SULT1C2: variants seen among roughly 807,000 people sequenced by gnomAD.
SULT1C2 encodes sulfotransferase 1C2.
In SULT1C2, 27 loss-of-function variants were observed where a neutral mutation model predicts 36.0. The ratio of observed to expected loss-of-function variants is 0.75; its 90% CI spans 0.55 to 1.03. SULT1C2 has a LOEUF of 1.03. Ranked by LOEUF, SULT1C2 falls within the 50% of genes least tolerant of loss-of-function variation. The pLI is 0.00. For missense variants in SULT1C2, 395 were observed against 359.2 expected (o/e 1.10, Z -0.80); for synonymous variants, 121 against 116.0 (o/e 1.04, Z -0.27).
chr2:108,309,327 T>G lies in SULT1C2; in HGVS notation c.*863T>G, dbSNP rs2104427488. On this transcript the variant is annotated 3_prime_UTR_variant, in exon 8 of 8. Coordinates refer to ENST00000251481, the MANE Select transcript of SULT1C2 (RefSeq NM_001056.4). ...TATTTACTCTTCAATTTCTTATTTA[T>G]ACCTCTCACTCAATTGTTAATTCTT... is the stretch of plus-strand genomic sequence containing the variant. 1 of 134,442 alleles carries G rather than the reference T, an allele frequency of 7.4e-6. No homozygotes were observed. The highest frequency in any genetic ancestry group is 1.9e-4 in the East Asian group (1 of 5,158). 8.3% of individuals were successfully genotyped at this position (134,442 alleles called of 1,614,324 possible).
rs1353682420 is a variant in SULT1C2 at position 108,300,503 on chromosome 2, C to T, written c.278-335C>T. The T allele has an allele frequency of 1.1e-5, 4 of 377,340 alleles. No individual in the cohort carries two copies. The Admixed American group carries it at 1.3e-4, about 12-fold the overall frequency. 23.4% of individuals were successfully genotyped at this position (377,340 alleles called of 1,614,324 possible). On this transcript the variant is annotated intron_variant, in intron 3 of 7. Transcript: ENST00000251481. ...CAGCCTGCTGCAGGCACATGGGGGT[C>T]ATCTCTGGCTGGCAGGAAGGTGAGG...
At position 108,305,498 on chromosome 2, in the gene SULT1C2, G is replaced by A. The variant is rs1326934778; in HGVS notation, c.681G>A (p.Glu227=). The A allele has an allele frequency of 6.2e-7, 1 of 1,614,140 alleles. No individual in the cohort carries two copies. The highest frequency in any genetic ancestry group is 8.5e-7 in the Non-Finnish European group (1 of 1,180,030). ...CAGTGCTAGATAAAATTGTCCAGGA[G>A]ACGTCATTTGAGAAAATGAAAGAAA... ...DETVLDKIVQ[E]TSFEKMKENP... Residue 227 remains glutamate (E), a synonymous_variant, in exon 7 of 8, where the codon GAG becomes GAA. Transcript: ENST00000251481.
chr2:108,305,776 C>G, intron 7 of SULT1C2, 181 bp downstream of exon 7: 1 of 778,504 alleles, frequency 1.3e-6, no homozygotes, highest in South Asian at 1.8e-5. Context: ...GGGTATTGTT[C>G]CAGTATTTGG....
intron 1 of SULT1C2, among the ~76,000 whole-genome samples, chr2:108,293,350 A>C (rs1198026728): frequency 1.3e-5 from 2 of 152,188 alleles, no homozygotes; most frequent in Non-Finnish European, 2.9e-5. Flanking sequence ...ACAAAAGGAC[A>C]GATGTTATGT....
Position 108,309,536 on chromosome 2 carries a change from G to A in SULT1C2, c.*1072G>A, listed in dbSNP as rs1677104070. ...AAATAGTGGCATTCCATAGCTGAGG[G>A]TAGTAGGAGCAGTTCACCCTGGGAG... On this transcript the variant is annotated 3_prime_UTR_variant, in exon 8 of 8. Transcript: ENST00000251481. 6.6e-6 allele frequency: 1 copy of A among 152,158 alleles called. No homozygotes were observed. Among genetic ancestry groups the A allele is most frequent in the Non-Finnish European group, 1.5e-5 (1 of 68,028 alleles). The allele number at this position is 152,158 out of a possible 1,614,324, so 9.4% of individuals were successfully genotyped here.
intron 4 of SULT1C2, chr2:108,301,167 T>C: frequency 1.9e-6 from 1 of 525,434 alleles, no homozygotes; most frequent in East Asian, 3.2e-5. Flanking sequence ...ACTAGAGACA[T>C]GGGGAGGCAG....
intron 7 of SULT1C2, among the ~76,000 whole-genome samples, chr2:108,307,818 A>G (rs1309363183): frequency 2.0e-5 from 3 of 152,154 alleles, no homozygotes; most frequent in Non-Finnish European, 4.4e-5. Context: ...CCCAATCAAG[A>G]TATGAAACAT....
intron 2 of SULT1C2, 123 bp downstream of exon 2, chr2:108,293,941 C>A: frequency 7.1e-7 from 1 of 1,416,654 alleles, no homozygotes. Context: ...GGTTTTGGAG[C>A]TCAGGGCTCA....
At chr2:108,294,073 C>T in intron 2 of SULT1C2, 156 bp from the exon 3 acceptor site, 4 of 1,394,886 alleles carry the variant, frequency 2.9e-6, no homozygotes, top group Non-Finnish European at 3.9e-6. Flanking sequence ...AAGTCCATCC[C>T]TCATGGACTT....
intron 3 of SULT1C2, among the ~76,000 whole-genome samples, chr2:108,298,400 G>T (rs1192895603): frequency 1.3e-5 from 2 of 151,878 alleles, no homozygotes; most frequent in African/African-American, 4.8e-5. Flanking sequence ...TTGAGACAGG[G>T]TCTCACTCTG....
chr2:108,289,105 A>G (rs1299855153), intron 1 of SULT1C2, 35 bp downstream of exon 1: 3 of 152,642 alleles, frequency 2.0e-5, no homozygotes, highest in Non-Finnish European at 4.4e-5. Flanking sequence ...TCTGTACCTA[A>G]CTCGTTAATT....
At chr2:108,302,934 T>G (rs1051826584) in intron 4 of SULT1C2, 3 of 152,152 alleles carry the variant, frequency 2.0e-5, no homozygotes, top group Non-Finnish European at 2.9e-5. Flanking sequence ...GAGAGACCTG[T>G]GTCTGGAGCT....
intron 3 of SULT1C2, among the ~76,000 whole-genome samples, chr2:108,296,572 C>T (rs1206712357): frequency 1.3e-5 from 2 of 152,194 alleles, no homozygotes; most frequent in African/African-American, 4.8e-5. Flanking sequence ...CTGCCTCAGC[C>T]TCCCAAGTAG....
At chr2:108,304,796 T>C in intron 5 of SULT1C2, 96 bp downstream of exon 5, 10 of 1,493,492 alleles carry the variant, frequency 6.7e-6, no homozygotes, top group Non-Finnish European at 9.0e-6. Flanking sequence ...ATGCCTGTAC[T>C]TCATCAGGTG....
intron 3 of SULT1C2, among the ~76,000 whole-genome samples, chr2:108,295,934 C>T (rs1334317560): frequency 2.6e-5 from 4 of 152,192 alleles, no homozygotes; most frequent in Admixed American, 2.6e-4. Flanking sequence ...GCTGGGACTA[C>T]AGGTGAACAC....
intron 1 of SULT1C2, among the ~76,000 whole-genome samples, chr2:108,291,460 G>A (rs1676588771): frequency 6.6e-6 from 1 of 152,110 alleles, no homozygotes; most frequent in African/African-American, 2.4e-5. Context: ...GACATCTTTA[G>A]GGCCATTATT....
intron 3 of SULT1C2, chr2:108,300,207 T>C (rs1428310389): frequency 6.6e-6 from 1 of 152,196 alleles, no homozygotes; most frequent in Non-Finnish European, 1.5e-5. Flanking sequence ...TGAAACCCCG[T>C]CTCTACTAAA....
chr2:108,307,134 A>G (rs1257108769), intron 7 of SULT1C2, among the ~76,000 whole-genome samples: 1 of 152,058 alleles, frequency 6.6e-6, no homozygotes, highest in East Asian at 1.9e-4. Context: ...ATGTTGTTGC[A>G]TTTTCCAATC....
intron 1 of SULT1C2, among the ~76,000 whole-genome samples, chr2:108,292,918 C>G (rs774064557): frequency 2.6e-5 from 4 of 152,172 alleles, no homozygotes; most frequent in Non-Finnish European, 4.4e-5. Flanking sequence ...GTGGCTCACG[C>G]CTGTAATCCC....
Sources: allele counts gnomAD v4.1 joint callset (sites outside exome capture counted in the v4.1 genomes callset), GRCh38; gene constraint gnomAD v4.1.1; transcripts MANE v1.5; gene names NCBI Gene and HGNC (gene_info 2026-07-23, HGNC 2026-07-21).